The following CERS6 variants were observed in gnomAD, a reference collection of about 807,000 sequenced individuals.
CERS6 encodes the protein LAG1 homolog, ceramide synthase 6.
Under a neutral mutation model 56.8 loss-of-function variants are expected in CERS6, and 26 were observed. That is an observed-to-expected ratio of 0.46 (90% confidence interval 0.34 to 0.63). The LOEUF (loss-of-function observed/expected upper bound fraction) is 0.63, where lower values mean the gene tolerates loss of function less well. CERS6 is among the 30% of genes least tolerant of loss of function. The probability of loss-of-function intolerance (pLI) is 0.01; values close to 1 mark genes in which losing one functional copy is unlikely to be tolerated. For synonymous variants in CERS6, 164 were observed against 173.3 expected, an observed-to-expected ratio of 0.95 and a Z score of 0.42; for missense variants, 415 against 467.5, an observed-to-expected ratio of 0.89 and a Z score of 1.04.
intron 4 of CERS6, among the ~76,000 whole-genome samples, chr2:168,634,262 CAG>C (rs1684814288): frequency 6.6e-6 from 1 of 152,152 alleles, no homozygotes; most frequent in Non-Finnish European, 1.5e-5. Context: ...TTATAATTAG[CAG>C]AGTCAAATAC....
rs529834562 is a variant in CERS6, at chr2:168,658,761, C to T, written c.465+27719C>T. Among the ~76,000 whole-genome samples the T allele has an allele frequency of 4.6e-5, 7 of 152,322 alleles. No individual in the cohort carries two copies. In the East Asian group the frequency reaches 9.6e-4, roughly 21 times the overall value. ...GAGGCAGAAAAAAAGTCAAGTAATTCGCCTAAGTTCTTACAGCACATTATG... is the reference window on the plus strand; with the variant it reads ...GAGGCAGAAAAAAAGTCAAGTAATTTGCCTAAGTTCTTACAGCACATTATG... On this transcript the variant is annotated intron_variant, in intron 4 of 9. Coordinates refer to ENST00000305747, the MANE Select transcript of CERS6 (RefSeq NM_203463.3).
intron 3 of CERS6, among the ~76,000 whole-genome samples, chr2:168,629,695 G>T (rs566028252): frequency 1.1e-4 from 16 of 152,154 alleles, no homozygotes; most frequent in African/African-American, 3.6e-4. Flanking sequence ...CACCCATGAA[G>T]ATATCCCTGG....
intron 8 of CERS6, among the ~76,000 whole-genome samples, chr2:168,746,775 G>GTATGTATATATATATA (rs1684107630): frequency 2.6e-5 from 1 of 38,992 alleles, no homozygotes; most frequent in African/African-American, 7.8e-5. Context: ...AGGGTAAAGG[G>GTATGTATATATATATA]TATATATATA....
chr2:168,680,076 A>G lies in CERS6; in HGVS notation c.466-10958A>G, dbSNP rs115783404. The stretch of plus-strand genomic sequence containing the variant: ...GTTCTGTGGAGAGAAAGACTCACAA[A>G]TGCTTAAAATCATTTTTGGAGGCAG... On this transcript the variant is annotated intron_variant, in intron 4 of 9. Transcript: ENST00000305747. 5.0e-3 allele frequency among the ~76,000 whole-genome samples: 767 copies of G among 152,326 alleles called. 7 individuals carry two copies. The highest frequency in any genetic ancestry group is 0.017 in the African/African-American group (709 of 41,578).
At chr2:168,559,845 A>G (rs1695756475) in intron 2 of CERS6, among the ~76,000 whole-genome samples, 1 of 149,860 alleles carries the variant, frequency 6.7e-6, no homozygotes, top group African/African-American at 2.5e-5. Context: ...GTATCAAATC[A>G]AAGAAAGATT....
intron 9 of CERS6, chr2:168,766,327 G>A (rs762157892): frequency 6.3e-6 from 10 of 1,598,018 alleles, no homozygotes; most frequent in Middle Eastern, 3.3e-4. Flanking sequence ...GGAAGGCTGG[G>A]AAGTGGAACC....
At chr2:168,751,447 C>G (rs1245891233) in intron 8 of CERS6, among the ~76,000 whole-genome samples, 1 of 152,124 alleles carries the variant, frequency 6.6e-6, no homozygotes, top group Non-Finnish European at 1.5e-5. Context: ...CTCATTCTTC[C>G]TGTTTATCCT....
chr2:168,531,611 C>G (rs1695167849), intron 1 of CERS6, among the ~76,000 whole-genome samples: 1 of 152,120 alleles, frequency 6.6e-6, no homozygotes, highest in Non-Finnish European at 1.5e-5. Context: ...CACCTGAGCT[C>G]AGGAGTTTGA....
intron 1 of CERS6, among the ~76,000 whole-genome samples, chr2:168,521,945 T>C (rs761698726): frequency 6.6e-5 from 10 of 152,238 alleles, no homozygotes; most frequent in Non-Finnish European, 1.3e-4. Flanking sequence ...TAGAGGCATG[T>C]AGAGGTTTTT....
intron 3 of CERS6, among the ~76,000 whole-genome samples, chr2:168,583,630 G>T (rs1418477962): frequency 6.6e-6 from 1 of 152,148 alleles, no homozygotes; most frequent in Non-Finnish European, 1.5e-5. Context: ...TATTGTCAGG[G>T]TTGTTTGAAC....
chr2:168,577,796 G>A (rs758181132), intron 3 of CERS6, among the ~76,000 whole-genome samples: 2 of 152,186 alleles, frequency 1.3e-5, no homozygotes, highest in Non-Finnish European at 2.9e-5. Context: ...TGAAGAGGGA[G>A]GAGGAAGTAT....
intron 8 of CERS6, among the ~76,000 whole-genome samples, chr2:168,729,307 G>A (rs768997392): frequency 6.6e-6 from 1 of 152,178 alleles, no homozygotes; most frequent in Non-Finnish European, 1.5e-5. Context: ...GAGAACTGAT[G>A]TTTTATGGAA....
At chr2:168,469,525 GA>G in intron 1 of CERS6, among the ~76,000 whole-genome samples, 1 of 151,802 alleles carries the variant, frequency 6.6e-6, no homozygotes, top group East Asian at 1.9e-4. Flanking sequence ...AATGGAAATT[GA>G]AACTTAGTGA....
chr2:168,589,093 TTC>T (rs1683613691), intron 3 of CERS6, among the ~76,000 whole-genome samples: 1 of 152,174 alleles, frequency 6.6e-6, no homozygotes, highest in Admixed American at 6.5e-5. Context: ...CATATGGAAA[TTC>T]TGTTTAACTT....
chr2:168,481,268 T>G (rs1357126809), intron 1 of CERS6, among the ~76,000 whole-genome samples: 2 of 152,040 alleles, frequency 1.3e-5, no homozygotes, highest in African/African-American at 4.8e-5. Context: ...ACAAAAAATT[T>G]GTCAGGCGTG....
chr2:168,535,577 C>A (rs898228592), intron 1 of CERS6, among the ~76,000 whole-genome samples: 1 of 151,800 alleles, frequency 6.6e-6, no homozygotes, highest in East Asian at 1.9e-4. Context: ...GAAGGATTCA[C>A]ACGCTTACTA....
chr2:168,774,885 A>G lies in CERS6; in HGVS notation c.*5223A>G, dbSNP rs1016019895. ...TTGGATTTGATTTTTTTCAACTTGC[A>G]GTGAGAAATAGGATAGGTGACAAAA... is the stretch of plus-strand genomic sequence containing the variant. On this transcript the variant is annotated 3_prime_UTR_variant, in exon 10 of 10. Coordinates refer to ENST00000305747, the MANE Select transcript of CERS6 (RefSeq NM_203463.3). 2 of 152,194 alleles carry G rather than the reference A, an allele frequency of 1.3e-5. No homozygotes were observed. Among genetic ancestry groups the G allele is most frequent in the Admixed American group, 6.5e-5 (1 of 15,282 alleles). The allele number at this position is 152,194 out of a possible 1,614,324, so 9.4% of individuals were successfully genotyped here.
intron 8 of CERS6, among the ~76,000 whole-genome samples, chr2:168,750,470 T>C (rs537125824): frequency 8.5e-5 from 13 of 152,230 alleles, no homozygotes; most frequent in Non-Finnish European, 1.8e-4. Context: ...TGTTTAAAAT[T>C]ACATCTTTTT....
chr2:168,518,492 A>G (rs1694922030), intron 1 of CERS6, among the ~76,000 whole-genome samples: 1 of 152,182 alleles, frequency 6.6e-6, no homozygotes, highest in African/African-American at 2.4e-5. Flanking sequence ...ATACTTTGCT[A>G]GAAATCTCTA....
Sources: gnomAD v4.1 joint callset for allele counts (sites outside exome capture counted in the v4.1 genomes callset) on GRCh38, gnomAD v4.1.1 for gene constraint, MANE v1.5 for transcripts, NCBI Gene and HGNC (gene_info 2026-07-23, HGNC 2026-07-21) for gene names.